Variants in SYNJ2 observed in about 807,000 individuals in gnomAD.
SYNJ2 encodes the protein synaptojanin 2.
A neutral mutation model predicts 141.3 loss-of-function variants in SYNJ2; 116 were observed. That is an observed-to-expected ratio of 0.82 (90% confidence interval 0.71 to 0.96). SYNJ2 has a LOEUF of 0.96. Ranked by LOEUF, SYNJ2 falls within the 40% of genes least tolerant of loss-of-function variation. The pLI is 0.00. For missense variants in SYNJ2, 1,873 were observed against 1,934.8 expected, an observed-to-expected ratio of 0.97 and a Z score of 0.60; for synonymous variants, 745 against 777.7, an observed-to-expected ratio of 0.96 and a Z score of 0.70.
intron 1 of SYNJ2, among the ~76,000 whole-genome samples, chr6:158,015,328 A>G (rs1056456267): frequency 6.6e-6 from 1 of 152,212 alleles, no homozygotes; most frequent in African/African-American, 2.4e-5. Context: ...ACAATGAGGT[A>G]GAGAGGGAAC....
At chr6:157,994,479 A>G (rs1410024059) in intron 1 of SYNJ2, among the ~76,000 whole-genome samples, 1 of 152,276 alleles carries the variant, frequency 6.6e-6, no homozygotes, top group Non-Finnish European at 1.5e-5. Flanking sequence ...GGAGCTGCCC[A>G]GGCCTGAGCC....
In SYNJ2 at chr6:158,070,141, C is replaced by A; in HGVS notation, c.1940+468C>A. 2 of 985,450 alleles carry A rather than the reference C, an allele frequency of 2.0e-6. No homozygotes were observed. The highest frequency in any genetic ancestry group is 2.4e-6 in the Non-Finnish European group (2 of 829,920). The allele number at this position is 985,450 out of a possible 1,614,324, so 61.0% of individuals were successfully genotyped here. A position where few individuals can be genotyped will look rare whatever the true frequency, so the allele number is the denominator to read the frequency against. On this transcript the variant is annotated intron_variant, in intron 14 of 26. Transcript: ENST00000355585. The surrounding 1 kb of genome is among the most constrained non-coding windows in gnomAD (Gnocchi z 4.0). The stretch of plus-strand genomic sequence containing the variant: ...TGCTTTGTGAGCATCAGAAAGGGGG[C>A]GAGCTTAGGGGCGGCATTCCTCTTG...
intron 5 of SYNJ2, among the ~76,000 whole-genome samples, chr6:158,051,499 A>G (rs192165179): frequency 4.3e-4 from 65 of 152,050 alleles, no homozygotes; most frequent in African/African-American, 1.4e-3. Flanking sequence ...CACAGGCAGC[A>G]AAAAAATAAA....
chr6:158,082,856 A>G (rs1172008368), intron 20 of SYNJ2, among the ~76,000 whole-genome samples: 4 of 152,210 alleles, frequency 2.6e-5, no homozygotes, highest in Admixed American at 2.6e-4. Context: ...ATTTTGGAAT[A>G]TGCAGCTCAT....
At chr6:158,094,394 C>CA (rs532980446) in intron 26 of SYNJ2, among the ~76,000 whole-genome samples, 1,334 of 72,714 alleles carry the variant, frequency 0.018, 28 homozygotes, top group African/African-American at 0.027. Context: ...TACGGCTGGG[C>CA]AAAAAAAAAA....
chr6:158,062,271 G>A, intron 8 of SYNJ2, 107 bp downstream of exon 8: 5 of 1,535,336 alleles, frequency 3.3e-6, no homozygotes, highest in Non-Finnish European at 4.4e-6. Flanking sequence ...CGGCAGAGGG[G>A]CCGTGCAGTC....
chr6:158,020,284 C>T (rs1778696074), intron 2 of SYNJ2, among the ~76,000 whole-genome samples: 1 of 143,024 alleles, frequency 7.0e-6, no homozygotes, highest in South Asian at 2.1e-4. Flanking sequence ...CTGCGTGACT[C>T]CGACTGTGTG....
At chr6:158,077,385 T>C (rs550577952) in intron 17 of SYNJ2, among the ~76,000 whole-genome samples, 2 of 152,226 alleles carry the variant, frequency 1.3e-5, no homozygotes, top group East Asian at 3.9e-4. Flanking sequence ...CCCCACCTCT[T>C]TTTTCTGGGT....
intron 12 of SYNJ2, chr6:158,067,473 G>T (rs891888480): frequency 6.6e-5 from 65 of 985,316 alleles, no homozygotes; most frequent in Non-Finnish European, 7.2e-5. Context: ...TATCTTGTAA[G>T]ATACACTATT....
intron 12 of SYNJ2, among the ~76,000 whole-genome samples, chr6:158,068,207 A>T (rs1781683703): frequency 6.6e-6 from 1 of 151,250 alleles, no homozygotes; most frequent in African/African-American, 2.4e-5. Context: ...ATTGTGGTCA[A>T]CAGAGAAGGA....
At chr6:158,068,356 C>T (rs545210908) in intron 12 of SYNJ2, among the ~76,000 whole-genome samples, 2 of 152,214 alleles carry the variant, frequency 1.3e-5, no homozygotes, top group African/African-American at 2.4e-5. Context: ...TGTCAGAGGT[C>T]GTGACTGGAC....
At chr6:158,076,345 ACT>A (rs1782284412) in intron 16 of SYNJ2, among the ~76,000 whole-genome samples, 1 of 152,200 alleles carries the variant, frequency 6.6e-6, no homozygotes, top group Non-Finnish European at 1.5e-5. Context: ...CGGACCCTGC[ACT>A]GTCTCCTGGG....
At chr6:158,090,530 G>GTTT (rs760329460) in intron 25 of SYNJ2, among the ~76,000 whole-genome samples, 22 of 114,674 alleles carry the variant, frequency 1.9e-4, no homozygotes, top group African/African-American at 4.6e-4. Context: ...CCTTTTCTTC[G>GTTT]TTTTTTTTTT....
intron 2 of SYNJ2, among the ~76,000 whole-genome samples, chr6:158,017,979 C>T (rs1037783570): frequency 1.3e-5 from 2 of 151,434 alleles, no homozygotes; most frequent in Admixed American, 6.6e-5. Flanking sequence ...TGTGCCAAGG[C>T]GGGTGGGTGA....
At chr6:158,086,826 T>C in intron 22 of SYNJ2, 29 bp from the exon 23 acceptor site, 1 of 1,609,274 alleles carries the variant, frequency 6.2e-7, no homozygotes, top group South Asian at 1.1e-5. Flanking sequence ...GAACAGACCA[T>C]TGTACTCATG....
intron 3 of SYNJ2, 61 bp downstream of exon 3, chr6:158,029,087 G>GGGTCTCCTGCAGAGGGTGGGCCCTT: frequency 1.3e-6 from 2 of 1,575,786 alleles, no homozygotes; most frequent in East Asian, 2.2e-5. Flanking sequence ...GGTGGGCCCT[G>GGGTCTCCTGCAGAGGGTGGGCCCTT]GTTGGCATCT....
At chr6:157,992,325 G>A (rs1777471494) in intron 1 of SYNJ2, among the ~76,000 whole-genome samples, 1 of 149,416 alleles carries the variant, frequency 6.7e-6, no homozygotes. Flanking sequence ...CTATGTCCAT[G>A]AATTCAATTT....
chr6:158,080,400 G>C (rs779717199), intron 18 of SYNJ2, among the ~76,000 whole-genome samples: 12 of 151,520 alleles, frequency 7.9e-5, no homozygotes, highest in Non-Finnish European at 5.9e-5. Flanking sequence ...ACTTGAGCCC[G>C]GGAGGCGGAG....
chr6:158,021,639 G>C (rs1240694322), intron 2 of SYNJ2, among the ~76,000 whole-genome samples: 2 of 152,206 alleles, frequency 1.3e-5, no homozygotes, highest in Non-Finnish European at 2.9e-5. Flanking sequence ...TGGCCTCGGG[G>C]TGTGGACTCC....
Sources: gnomAD v4.1 joint callset for allele counts (sites outside exome capture counted in the v4.1 genomes callset) on GRCh38, gnomAD v4.1.1 for gene constraint, Gnocchi (gnomAD v3.1) non-coding constraint, MANE v1.5 for transcripts, NCBI Gene and HGNC (gene_info 2026-07-23, HGNC 2026-07-21) for gene names.